The following MAP4K4 variants were observed in gnomAD, a reference collection of about 807,000 sequenced individuals.
MAP4K4 encodes the protein mitogen-activated protein kinase kinase kinase kinase 4.
A neutral mutation model predicts 189.6 loss-of-function variants in MAP4K4; 38 were observed. The ratio of observed to expected loss-of-function variants is 0.20; its 90% CI spans 0.15 to 0.26. The LOEUF (loss-of-function observed/expected upper bound fraction) is 0.26. MAP4K4 is among the 10% of genes least tolerant of loss of function. MAP4K4 has a pLI of 1.00. For missense variants in MAP4K4, 1,054 were observed against 1,726.9 expected (o/e 0.61, Z 6.91); for synonymous variants, 610 against 624.3 (o/e 0.98, Z 0.34).
intron 2 of MAP4K4, among the ~76,000 whole-genome samples, chr2:101,751,218 A>G (rs904858022): frequency 9.2e-5 from 14 of 152,234 alleles, no homozygotes; most frequent in African/African-American, 3.4e-4. Context: ...GTGAAGAAGC[A>G]TGAAGTTAAC....
intron 3 of MAP4K4, among the ~76,000 whole-genome samples, chr2:101,799,601 A>G (rs1425835718): frequency 2.1e-5 from 3 of 141,522 alleles, no homozygotes; most frequent in Admixed American, 1.4e-4. Flanking sequence ...TTTTTGTTTC[A>G]TTTTTGATTT....
chr2:101,756,740 T>G (rs2073053037), intron 2 of MAP4K4, among the ~76,000 whole-genome samples: 1 of 151,070 alleles, frequency 6.6e-6, no homozygotes, highest in Non-Finnish European at 1.5e-5. Flanking sequence ...TTTTTTTTTT[T>G]TTTTTTTGTA....
chr2:101,800,761 A>C (rs994510208), intron 3 of MAP4K4, among the ~76,000 whole-genome samples: 2 of 152,208 alleles, frequency 1.3e-5, no homozygotes, highest in Admixed American at 6.5e-5. Context: ...CTGAACACTT[A>C]GTCTTAAAAA....
At chr2:101,874,010 G>A in intron 25 of MAP4K4, 72 bp from the exon 26 acceptor site, 1 of 1,286,316 alleles carries the variant, frequency 7.8e-7, no homozygotes, top group Non-Finnish European at 1.1e-6. Flanking sequence ...TTTACTTGAA[G>A]TATACTGGGG....
chr2:101,744,410 TG>T (rs2064239738), intron 2 of MAP4K4, among the ~76,000 whole-genome samples: 1 of 152,220 alleles, frequency 6.6e-6, no homozygotes, highest in Non-Finnish European at 1.5e-5. Context: ...ACTAGCCACA[TG>T]TGGCTTAATG....
chr2:101,795,679 A>T (rs571297186), intron 3 of MAP4K4, among the ~76,000 whole-genome samples: 1 of 152,336 alleles, frequency 6.6e-6, no homozygotes, highest in South Asian at 2.1e-4. Flanking sequence ...TAATATCTGG[A>T]TGCTAAGTAT....
chr2:101,770,242 T>G, intron 2 of MAP4K4, among the ~76,000 whole-genome samples: 1 of 17,072 alleles, frequency 5.9e-5, no homozygotes, highest in South Asian at 1.6e-3. Context: ...TCATTCTGAT[T>G]TTTTTTTTTT....
chr2:101,715,564 T>G (rs2047930292), intron 2 of MAP4K4, among the ~76,000 whole-genome samples: 1 of 152,218 alleles, frequency 6.6e-6, no homozygotes, highest in South Asian at 2.1e-4. Flanking sequence ...TCATATTATA[T>G]TTCATGGTAT....
intron 2 of MAP4K4, among the ~76,000 whole-genome samples, chr2:101,766,717 T>A (rs2078788454): frequency 6.6e-6 from 1 of 152,192 alleles, no homozygotes; most frequent in Non-Finnish European, 1.5e-5. Context: ...TTTCCCTTTA[T>A]GTTTCCTGTT....
chr2:101,743,955 G>A (rs569463747), intron 2 of MAP4K4, among the ~76,000 whole-genome samples: 36 of 152,182 alleles, frequency 2.4e-4, no homozygotes, highest in Non-Finnish European at 4.3e-4. Flanking sequence ...ACCATGCCCA[G>A]CCCAGATAAT....
At chr2:101,798,934 C>T (rs1353755700) in intron 3 of MAP4K4, among the ~76,000 whole-genome samples, 1 of 152,198 alleles carries the variant, frequency 6.6e-6, no homozygotes, top group Admixed American at 6.5e-5. Flanking sequence ...CTTACTTTCA[C>T]ACTTAAATTT....
At chr2:101,741,793 A>G (rs374069019) in intron 2 of MAP4K4, among the ~76,000 whole-genome samples, 140 of 152,300 alleles carry the variant, frequency 9.2e-4, no homozygotes, top group African/African-American at 3.2e-3. Flanking sequence ...TTTACCAGCT[A>G]TGGGCCTTTG....
At chr2:101,773,754 C>T (rs1460420596) in intron 2 of MAP4K4, among the ~76,000 whole-genome samples, 3 of 152,174 alleles carry the variant, frequency 2.0e-5, no homozygotes, top group Non-Finnish European at 4.4e-5. Context: ...CCTTCCCAGC[C>T]TCTGGTAACC....
intron 12 of MAP4K4, among the ~76,000 whole-genome samples, chr2:101,845,401 C>T (rs146613688): frequency 2.6e-5 from 4 of 152,062 alleles, no homozygotes; most frequent in East Asian, 1.9e-4. Context: ...AGTCATGGGT[C>T]GCTTAATGAC....
chr2:101,878,960 G>T (rs574926781), intron 27 of MAP4K4, among the ~76,000 whole-genome samples: 11 of 152,214 alleles, frequency 7.2e-5, no homozygotes, highest in Non-Finnish European at 1.5e-4. Flanking sequence ...AGTGCTGATG[G>T]ATGGTAGTTT....
intron 3 of MAP4K4, chr2:101,797,106 C>T: frequency 1.2e-5 from 8 of 679,178 alleles, no homozygotes; most frequent in Non-Finnish European, 1.7e-5. Flanking sequence ...CCATATAACA[C>T]TGAACAATTT....
chr2:101,886,734 T>G (rs1559343690), intron 29 of MAP4K4, among the ~76,000 whole-genome samples: 1 of 152,152 alleles, frequency 6.6e-6, no homozygotes, highest in Non-Finnish European at 1.5e-5. Flanking sequence ...TCTTCTCTAG[T>G]TTGATCTATT....
Position 101,726,774 on chromosome 2 carries a change from A to G in MAP4K4, c.123+28236A>G, listed in dbSNP as rs191689694. The stretch of plus-strand genomic sequence containing the variant: ...ATTGTTTGACATGAGGTAGAAGAGG[A>G]ATTCATTTTGACCCTCTCAGTCCTT... On this transcript the variant is annotated intron_variant, in intron 2 of 32. Coordinates refer to ENST00000324219, the Ensembl canonical transcript of MAP4K4. Among the ~76,000 whole-genome samples, 370 of 152,320 alleles carry G rather than the reference A, an allele frequency of 2.4e-3. 3 individuals are homozygous for G. Among genetic ancestry groups the G allele is most frequent in the African/African-American group, 8.7e-3 (361 of 41,580 alleles).
intron 5 of MAP4K4, 96 bp from the exon 6 acceptor site, chr2:101,829,408 T>A (rs952474889): frequency 8.0e-6 from 6 of 752,606 alleles, no homozygotes; most frequent in Non-Finnish European, 9.2e-6. Flanking sequence ...ACAAACACCT[T>A]TGGTCCACAT....
Sources: gnomAD v4.1 joint callset for allele counts (sites outside exome capture counted in the v4.1 genomes callset) on GRCh38, gnomAD v4.1.1 for gene constraint, MANE v1.5 for transcripts, NCBI Gene and HGNC (gene_info 2026-07-23, HGNC 2026-07-21) for gene names.